EPHB1: variants seen among roughly 807,000 people sequenced by gnomAD.
EPHB1 encodes the protein EPH receptor B1, also known as ephrin type-B receptor 1.
Under a neutral mutation model 94.4 loss-of-function variants are expected in EPHB1, and 30 were observed. The ratio of observed to expected loss-of-function variants is 0.32; its 90% CI spans 0.24 to 0.43. The LOEUF is 0.43. EPHB1 is among the 20% of genes least tolerant of loss of function. EPHB1 has a pLI of 1.00. For synonymous variants in EPHB1, 522 were observed against 489.1 expected (o/e 1.07, Z -0.89); for missense variants, 1,055 against 1,308.3 (o/e 0.81, Z 2.99).
intron 1 of EPHB1, among the ~76,000 whole-genome samples, chr3:134,798,775 G>A (rs762786327): frequency 6.6e-6 from 1 of 152,222 alleles, no homozygotes; most frequent in Non-Finnish European, 1.5e-5. Flanking sequence ...TGCATTCTCT[G>A]AGCTGCGTCT....
intron 9 of EPHB1, among the ~76,000 whole-genome samples, chr3:135,179,589 A>G (rs1360166472): frequency 6.6e-6 from 1 of 152,196 alleles, no homozygotes; most frequent in Admixed American, 6.5e-5. Flanking sequence ...CCGATCTGTC[A>G]CTTATAAGTA....
chr3:134,944,898 T>A (rs1329209935), intron 2 of EPHB1, among the ~76,000 whole-genome samples: 1 of 152,258 alleles, frequency 6.6e-6, no homozygotes, highest in African/African-American at 2.4e-5. Context: ...TGTGTCAGAA[T>A]TCTTATCTCC....
chr3:134,943,876 C>G (rs915779777), intron 2 of EPHB1, among the ~76,000 whole-genome samples: 2 of 152,090 alleles, frequency 1.3e-5, no homozygotes, highest in East Asian at 3.9e-4. Flanking sequence ...TAATGGAGAC[C>G]GTGCGAGCAT....
intron 1 of EPHB1, among the ~76,000 whole-genome samples, chr3:134,884,821 A>G (rs1013147506): frequency 2.0e-5 from 3 of 152,186 alleles, no homozygotes; most frequent in Admixed American, 2.0e-4. Flanking sequence ...AAACTGATGA[A>G]CCACAATTGA....
chr3:134,976,096 C>T (rs184185740), intron 3 of EPHB1, among the ~76,000 whole-genome samples: 10 of 152,176 alleles, frequency 6.6e-5, no homozygotes, highest in South Asian at 4.1e-4. Flanking sequence ...GCCCTCTGTA[C>T]GGGTTAGTTA....
At position 134,951,691 on chromosome 3, in the gene EPHB1, G is replaced by A. The variant is rs1559768859; in HGVS notation, c.444G>A (p.Gln148=). 1 of 1,614,086 alleles carries A rather than the reference G, an allele frequency of 6.2e-7. No homozygotes were observed. ...TTGCTGCAGATGAGAGCTTCTCCCAGGTGGACTTTGGGGGAAGGCTGATGA... is the reference window on the plus strand; with the variant it reads ...TTGCTGCAGATGAGAGCTTCTCCCAAGTGGACTTTGGGGGAAGGCTGATGA... ...DTIAADESFS[Q]VDFGGRLMKV... The change falls in exon 3 of 16, where the codon CAG becomes CAA. Residue 148 remains glutamine, a synonymous_variant. Coordinates refer to ENST00000398015, the MANE Select transcript of EPHB1 (RefSeq NM_004441.5). The surrounding 1 kb of genome is among the most constrained non-coding windows in gnomAD (Gnocchi z 4.5).
At chr3:134,970,633 T>C (rs1007147967) in intron 3 of EPHB1, among the ~76,000 whole-genome samples, 1 of 152,040 alleles carries the variant, frequency 6.6e-6, no homozygotes, top group Non-Finnish European at 1.5e-5. Context: ...GCTTGTTAAC[T>C]GATGTATCCT....
intron 12 of EPHB1, among the ~76,000 whole-genome samples, chr3:135,226,406 C>A (rs1943402289): frequency 6.6e-6 from 1 of 152,214 alleles, no homozygotes; most frequent in Admixed American, 6.5e-5. Flanking sequence ...TTAAGAAATT[C>A]ACGAACGAGT....
chr3:134,806,624 A>G (rs1357869634), intron 1 of EPHB1, among the ~76,000 whole-genome samples: 3 of 152,222 alleles, frequency 2.0e-5, no homozygotes, highest in Non-Finnish European at 4.4e-5. Context: ...AAAATATTTT[A>G]GGAGGGGTAG....
intron 1 of EPHB1, among the ~76,000 whole-genome samples, chr3:134,903,013 C>T (rs763456794): frequency 3.3e-5 from 5 of 152,198 alleles, no homozygotes; most frequent in Non-Finnish European, 5.9e-5. Context: ...GCACCCTGGC[C>T]ACCCTTCCGC....
At position 134,795,672 on chromosome 3, in the gene EPHB1, C is replaced by T; in HGVS notation, c.41C>T (p.Ala14Val). The T allele has an allele frequency of 6.2e-7, 1 of 1,609,826 alleles. No homozygotes were observed. The highest frequency in any genetic ancestry group is 8.5e-7 in the Non-Finnish European group (1 of 1,178,342). Residue 14 changes from alanine (A) to valine (V), a missense_variant, in exon 1 of 16, where the codon GCA (alanine) becomes GTA (valine). Transcript: ENST00000398015. ...DYLLLLLLAS[A>V]VAAMEETLMD... ...CTACTACTGCTCCTCCTGGCATCCG[C>T]AGTGGCTGCGATGGAAGGTAACGTA...
intron 6 of EPHB1, among the ~76,000 whole-genome samples, chr3:135,157,907 G>T (rs1941402359): frequency 1.3e-5 from 2 of 152,292 alleles, no homozygotes; most frequent in South Asian, 4.1e-4. Context: ...AGATGATGGA[G>T]CTATGTCATA....
At chr3:135,220,560 T>C (rs1943253072) in intron 12 of EPHB1, among the ~76,000 whole-genome samples, 1 of 151,230 alleles carries the variant, frequency 6.6e-6, no homozygotes, top group Non-Finnish European at 1.5e-5. Flanking sequence ...GTGCTCGCCT[T>C]TCCTCATGGC....
chr3:134,857,085 G>GA (rs2037137952), intron 1 of EPHB1, among the ~76,000 whole-genome samples: 1 of 152,200 alleles, frequency 6.6e-6, no homozygotes, highest in Non-Finnish European at 1.5e-5. Context: ...GGGTGTCGTG[G>GA]AAAGGGCCTG....
chr3:135,208,139 G>A (rs868680315), intron 12 of EPHB1, among the ~76,000 whole-genome samples: 1 of 152,200 alleles, frequency 6.6e-6, no homozygotes, highest in African/African-American at 2.4e-5. Flanking sequence ...GAGGGAAGAT[G>A]GAGTGGAACT....
chr3:135,205,720 A>G (rs1222366756), intron 12 of EPHB1, among the ~76,000 whole-genome samples: 1 of 152,194 alleles, frequency 6.6e-6, no homozygotes, highest in Non-Finnish European at 1.5e-5. Context: ...CATTTGCTTT[A>G]TCATGTAACT....
chr3:135,162,847 G>A (rs1450225212), intron 7 of EPHB1, among the ~76,000 whole-genome samples: 1 of 152,188 alleles, frequency 6.6e-6, no homozygotes, highest in Non-Finnish European at 1.5e-5. Flanking sequence ...TGATTTCCCA[G>A]TAGCCTCAGC....
chr3:134,859,164 C>T (rs562189826), intron 1 of EPHB1, among the ~76,000 whole-genome samples: 1 of 152,224 alleles, frequency 6.6e-6, no homozygotes, highest in Non-Finnish European at 1.5e-5. Context: ...CAGGATCTCT[C>T]AGTTAACTGG....
chr3:135,113,062 G>A (rs2107802153), intron 4 of EPHB1, among the ~76,000 whole-genome samples: 1 of 152,312 alleles, frequency 6.6e-6, no homozygotes, highest in East Asian at 1.9e-4. Context: ...GTTTTTGAAG[G>A]GGAGGTAGTC....
Sources: gnomAD v4.1 joint callset for allele counts (sites outside exome capture counted in the v4.1 genomes callset) on GRCh38, gnomAD v4.1.1 for gene constraint, Gnocchi (gnomAD v3.1) non-coding constraint, MANE v1.5 for transcripts, NCBI Gene and HGNC (gene_info 2026-07-23, HGNC 2026-07-21) for gene names.